NAGLU: variants seen among roughly 807,000 people sequenced by gnomAD.
NAGLU encodes the protein alpha-N-acetylglucosaminidase.
NAGLU carries 34 observed loss-of-function variants against 43.4 expected under a neutral mutation model. The observed-to-expected ratio is 0.78, with a 90% CI of 0.60 to 1.04. The LOEUF (loss-of-function observed/expected upper bound fraction) is 1.04. Ranked by LOEUF, NAGLU falls within the 50% of genes least tolerant of loss-of-function variation. NAGLU has a pLI of 0.00. For missense variants in NAGLU, 910 were observed against 993.7 expected, an observed-to-expected ratio of 0.92 and a Z score of 1.13; for synonymous variants, 425 against 437.6, an observed-to-expected ratio of 0.97 and a Z score of 0.36.
chr17:42,542,506 G>A (rs961802624), intron 5 of NAGLU, among the ~76,000 whole-genome samples: 7 of 151,418 alleles, frequency 4.6e-5, no homozygotes, highest in African/African-American at 1.7e-4. Context: ...CCTTGATTTT[G>A]TTTTTGAGAC....
intron 4 of NAGLU, among the ~76,000 whole-genome samples, chr17:42,540,695 C>CAAAA (rs369880072): frequency 3.4e-5 from 2 of 58,468 alleles, no homozygotes; most frequent in African/African-American, 6.4e-5. Flanking sequence ...GACTCTGCCT[C>CAAAA]AAAAAAAAAA....
rs2092931651 is a variant in NAGLU, at chr17:42,544,394, G to T, written c.*156G>T. The stretch of plus-strand genomic sequence containing the variant: ...TGGGGGGATTGGAGGGAAATGACCT[G>T]CCCTCCACCACCACCCAAAGTGTGG... On this transcript the variant is annotated 3_prime_UTR_variant, in exon 6 of 6. Transcript: ENST00000225927. 1.9e-6 allele frequency: 2 copies of T among 1,078,096 alleles called. No homozygotes were observed. Among genetic ancestry groups the T allele is most frequent in the Admixed American group, 2.2e-5 (1 of 46,316 alleles). 66.8% of individuals were successfully genotyped at this position (1,078,096 alleles called of 1,614,324 possible).
chr17:42,537,393 C>T lies in NAGLU; in HGVS notation c.384-5C>T, dbSNP rs770061369. On this transcript the variant is annotated splice_polypyrimidine_tract_variant and splice_region_variant and intron_variant, in intron 1 of 5. Coordinates refer to ENST00000225927, the MANE Select transcript of NAGLU (RefSeq NM_000263.4). ...ATGCGCCCCTGCTCATGACACTGCC[C>T]GCAGGTACCGCTATTACCAGAATGT... 1.5e-5 allele frequency: 24 copies of T among 1,614,074 alleles called. No individual in the cohort carries two copies. Among genetic ancestry groups the T allele is most frequent in the Non-Finnish European group, 1.9e-5 (23 of 1,179,942 alleles).
Position 42,537,549 on chromosome 17 carries a change from C to T in NAGLU, c.531+4C>T. The T allele has an allele frequency of 5.0e-6, 8 of 1,613,456 alleles. No individual in the cohort carries two copies. Among genetic ancestry groups the T allele is most frequent in the Non-Finnish European group, 5.9e-6 (7 of 1,179,956 alleles). ...CCAGGAGGCCATCTGGCAGCGGGTG[C>T]GTGCCCACTGTCCCTTCCCCACCCT... On this transcript the variant is annotated splice_donor_region_variant and intron_variant, in intron 2 of 5. Coordinates refer to ENST00000225927, the MANE Select transcript of NAGLU (RefSeq NM_000263.4).
In NAGLU at chr17:42,537,488, G is replaced by C. The variant is rs1052714676; in HGVS notation, c.474G>C (p.Ala158=). Reference sequence around the variant, plus strand: ...GGGAGCGAGAGATAGACTGGATGGCGCTGAATGGCATCAACCTGGCACTGG... The same window carrying C: ...GGGAGCGAGAGATAGACTGGATGGCCCTGAATGGCATCAACCTGGCACTGG... ...ARWEREIDWM[A]LNGINLALAW... is the part of the protein sequence containing the mutation. The change falls in exon 2 of 6, where the codon GCG becomes GCC. Residue 158 remains alanine (A), a synonymous_variant. Transcript: ENST00000225927. 6.2e-7 allele frequency: 1 copy of C among 1,614,208 alleles called. No individual in the cohort carries two copies. The highest frequency in any genetic ancestry group is 2.2e-5 in the East Asian group (1 of 44,890).
Position 42,536,395 on chromosome 17 carries a change from G to A in NAGLU, c.123G>A (p.Gly41=). The A allele has an allele frequency of 8.2e-7, 1 of 1,220,752 alleles. No homozygotes were observed. The highest frequency in any genetic ancestry group is 3.6e-5 in the Admixed American group (1 of 27,418). 75.6% of individuals were successfully genotyped at this position (1,220,752 alleles called of 1,614,324 possible). Residue 41 remains glycine, a synonymous_variant, in exon 1 of 6, where the codon GGG becomes GGA. Coordinates refer to ENST00000225927, the MANE Select transcript of NAGLU (RefSeq NM_000263.4). The stretch of plus-strand genomic sequence containing the variant: ...GGGCGCTCGTGGCCCGGCTGCTGGG[G>A]CCAGGCCCCGCGGCCGACTTCTCCG... ...AVRALVARLL[G]PGPAADFSVS...
rs2092927441 is a variant in NAGLU, at chr17:42,543,464, C to T, written c.1458C>T (p.Ser486=). 1 of 1,599,156 alleles carries T rather than the reference C, an allele frequency of 6.3e-7. No individual in the cohort carries two copies. The highest frequency in any genetic ancestry group is 1.7e-5 in the Admixed American group (1 of 58,270). ...TSFAARRYGV[S]HPDAGAAWRL... ...TTGCCGCCCGGCGGTATGGGGTCTC[C>T]CACCCGGACGCAGGGGCAGCGTGGA... The change falls in exon 6 of 6, where the codon TCC becomes TCT. Residue 486 remains serine, a synonymous_variant. Coordinates refer to ENST00000225927, the MANE Select transcript of NAGLU (RefSeq NM_000263.4).
rs73983733 is a variant in NAGLU at position 42,541,480 on chromosome 17, G to A, written c.1021+274G>A. ...CTCATGACCTCCTTCCCAGTGTCTC[G>A]TTTGCTTTTCCTGTAAACTGGGACT... On this transcript the variant is annotated intron_variant, in intron 5 of 5. Coordinates refer to ENST00000225927, the MANE Select transcript of NAGLU (RefSeq NM_000263.4). Among the ~76,000 whole-genome samples the A allele has an allele frequency of 0.019, 2,875 of 152,264 alleles. 90 individuals carry two copies. The highest frequency in any genetic ancestry group is 0.058 in the African/African-American group (2,423 of 41,546).
In NAGLU at chr17:42,544,032, C is replaced by T. The variant is rs774918711; in HGVS notation, c.2026C>T (p.Arg676Trp). ...LVANYYTPRW[R>W]LFLEALVDSV... Reference sequence around the variant, plus strand: ...GGCCAACTACTACACCCCTCGCTGGCGGCTTTTCCTGGAGGCGCTGGTTGA... The same window carrying T: ...GGCCAACTACTACACCCCTCGCTGGTGGCTTTTCCTGGAGGCGCTGGTTGA... The change falls in exon 6 of 6, where the codon CGG (arginine) becomes TGG (tryptophan). Residue 676 changes from arginine to tryptophan, a missense_variant. By Grantham distance (101) the Arg-to-Trp change is moderately radical. Coordinates refer to ENST00000225927, the MANE Select transcript of NAGLU (RefSeq NM_000263.4). 6.2e-6 allele frequency: 10 copies of T among 1,611,872 alleles called. No homozygotes were observed. Among genetic ancestry groups the T allele is most frequent in the East Asian group, 2.2e-5 (1 of 44,848 alleles).
At chr17:42,536,697 C>T (rs888501542) in intron 1 of NAGLU, 42 bp downstream of exon 1, 39 of 1,398,476 alleles carry the variant, frequency 2.8e-5, no homozygotes, top group African/African-American at 3.0e-5. Flanking sequence ...GAGGCGCTTA[C>T]CCCCTCCCGG....
At position 42,540,865 on chromosome 17, in the gene NAGLU, G is replaced by A. The variant is rs891683553; in HGVS notation, c.765-85G>A. The A allele has an allele frequency of 4.4e-6, 7 of 1,593,380 alleles. No homozygotes were observed. In the African/African-American group the frequency reaches 6.7e-5, roughly 15 times the overall value. On this transcript the variant is annotated intron_variant, in intron 4 of 5. Coordinates refer to ENST00000225927, the MANE Select transcript of NAGLU (RefSeq NM_000263.4). ...ATAGAGGCAAGAGAAACCAGGAGCT[G>A]TAGAGAAGTTGGCAAGGCTGTTGAA... is the stretch of plus-strand genomic sequence containing the variant.
chr17:42,536,701 C>T lies in NAGLU; in HGVS notation c.383+46C>T, dbSNP rs926500241. ...CGCGTCCGCCCGAGGCGCTTACCCC[C>T]TCCCGGAGCCGCTGCCACCCAAATC... On this transcript the variant is annotated intron_variant, in intron 1 of 5. Transcript: ENST00000225927. 5.8e-6 allele frequency: 8 copies of T among 1,386,090 alleles called. No homozygotes were observed. The South Asian group carries it at 6.0e-5, about 10-fold the overall frequency. 85.9% of individuals were successfully genotyped at this position (1,386,090 alleles called of 1,614,324 possible).
At chr17:42,538,004 G>T (rs922485892) in intron 2 of NAGLU, among the ~76,000 whole-genome samples, 1 of 152,152 alleles carries the variant, frequency 6.6e-6, no homozygotes, top group Non-Finnish European at 1.5e-5. Context: ...CTTCTGTGCT[G>T]CAATGGCTGC....
rs200088424 is a variant in NAGLU, at chr17:42,540,712, A to G, written c.765-238A>G. On this transcript the variant is annotated intron_variant, in intron 4 of 5. Coordinates refer to ENST00000225927, the MANE Select transcript of NAGLU (RefSeq NM_000263.4). ...CTCTGCCTCAAAAAAAAAAAAAAAA[A>G]GAAAGAAAAAGGAGCGTTGCTTGTT... Among the ~76,000 whole-genome samples the G allele has an allele frequency of 4.9e-4, 73 of 150,030 alleles. 1 individual carries two copies. In the East Asian group the frequency reaches 0.013, roughly 27 times the overall value.
rs1281727710 is a variant in NAGLU at position 42,543,896 on chromosome 17, C to T, written c.1890C>T (p.Val630=). 1 of 1,605,494 alleles carries T rather than the reference C, an allele frequency of 6.2e-7. No individual in the cohort carries two copies. The highest frequency in any genetic ancestry group is 1.7e-5 in the Admixed American group (1 of 58,682). The part of the protein sequence containing the change: ...SWLEQARAAA[V]SEAEADFYEQ... ...TAGAGCAGGCCCGAGCAGCGGCAGT[C>T]AGTGAGGCCGAGGCCGATTTCTACG... The change falls in exon 6 of 6, where the codon GTC becomes GTT. Residue 630 remains valine (V), a synonymous_variant. Coordinates refer to ENST00000225927, the MANE Select transcript of NAGLU (RefSeq NM_000263.4).
At position 42,543,140 on chromosome 17, in the gene NAGLU, C is replaced by T; in HGVS notation, c.1134C>T (p.Leu378=). ...AVLGAVPRGR[L]LVLDLFAESQ... ...TGGGAGCTGTGCCCCGTGGCCGCCT[C>T]CTGGTTCTGGACCTGTTTGCTGAGA... Residue 378 remains leucine (L), a synonymous_variant, in exon 6 of 6, where the codon CTC becomes CTT. Transcript: ENST00000225927. 2 of 1,614,002 alleles carry T rather than the reference C, an allele frequency of 1.2e-6. No individual in the cohort carries two copies. The highest frequency in any genetic ancestry group is 1.1e-5 in the South Asian group (1 of 91,090).
Position 42,544,314 on chromosome 17 carries a change from A to C in NAGLU, c.*76A>C, listed in dbSNP as rs528152910. 6.3e-7 allele frequency: 1 copy of C among 1,594,212 alleles called. No individual in the cohort carries two copies. The highest frequency in any genetic ancestry group is 1.3e-5 in the African/African-American group (1 of 74,996). ...CAGGGCCCAGAGCTGGACAGACATCACAGGATAACCCAGGCCTGGGAGGAG... is the reference window on the plus strand; with the variant it reads ...CAGGGCCCAGAGCTGGACAGACATCCCAGGATAACCCAGGCCTGGGAGGAG... On this transcript the variant is annotated 3_prime_UTR_variant, in exon 6 of 6. Coordinates refer to ENST00000225927, the MANE Select transcript of NAGLU (RefSeq NM_000263.4).
rs1238714696 is a variant in NAGLU, at chr17:42,536,600, CT to C, written c.329del (p.Leu110ArgfsTer12). The C allele has an allele frequency of 6.7e-7, 1 of 1,493,400 alleles. No individual in the cohort carries two copies. The highest frequency in any genetic ancestry group is 1.5e-5 in the African/African-American group (1 of 68,544). 92.5% of individuals were successfully genotyped at this position (1,493,400 alleles called of 1,614,324 possible). ...GGCCTGGTCCGGCTCTCAGCTGCGC[CT>C]GCCGCGGCCACTGCCAGCCGTGCCG... The part of the protein sequence containing the change: ...HVAWSGSQLR[L>X]PRPLPAVPGE... On this transcript the variant is annotated frameshift_variant, in exon 1 of 6. Coordinates refer to ENST00000225927, the MANE Select transcript of NAGLU (RefSeq NM_000263.4). LOFTEE classifies it high-confidence loss of function.
intron 2 of NAGLU, among the ~76,000 whole-genome samples, chr17:42,537,773 C>A (rs897352561): frequency 6.6e-6 from 1 of 151,424 alleles, no homozygotes; most frequent in African/African-American, 2.4e-5. Context: ...TTCAGGAGAT[C>A]GAGACCATCC....
Sources: allele counts gnomAD v4.1 joint callset (sites outside exome capture counted in the v4.1 genomes callset), GRCh38; gene constraint gnomAD v4.1.1; transcripts MANE v1.5; gene names NCBI Gene and HGNC (gene_info 2026-07-23, HGNC 2026-07-21).